Variants in CLSTN2 observed in about 807,000 individuals in gnomAD.
The protein encoded by CLSTN2 is calsyntenin-2.
A neutral mutation model predicts 101.2 loss-of-function variants in CLSTN2; 48 were observed. The ratio of observed to expected loss-of-function variants is 0.47; its 90% CI spans 0.38 to 0.60. CLSTN2 has a LOEUF of 0.60. Ranked by LOEUF, CLSTN2 falls within the 20% of genes least tolerant of loss-of-function variation. CLSTN2 has a pLI of 0.00. For synonymous variants in CLSTN2, 481 were observed against 463.6 expected (o/e 1.04, Z -0.48); for missense variants, 1,160 against 1,238.2 (o/e 0.94, Z 0.95).
chr3:140,078,336 G>A (rs2008528171), intron 1 of CLSTN2, among the ~76,000 whole-genome samples: 6 of 152,220 alleles, frequency 3.9e-5, no homozygotes, highest in Admixed American at 3.9e-4. Context: ...GCTGGTCAAT[G>A]CACGGTATCT....
intron 8 of CLSTN2, among the ~76,000 whole-genome samples, chr3:140,513,767 G>T (rs12639333): frequency 0.11 from 17,084 of 151,576 alleles, 1,098 homozygotes; most frequent in Non-Finnish European, 0.15. Context: ...TCTGGGCCTG[G>T]GCTTTTTTTG....
At chr3:139,952,882 C>T (rs527490786) in intron 1 of CLSTN2, among the ~76,000 whole-genome samples, 18 of 152,254 alleles carry the variant, frequency 1.2e-4, no homozygotes, top group Admixed American at 3.9e-4. Flanking sequence ...ACTGGGCTTA[C>T]GTTTGTTTTT....
chr3:140,065,715 C>A (rs1482037621), intron 1 of CLSTN2, among the ~76,000 whole-genome samples: 1 of 152,150 alleles, frequency 6.6e-6, no homozygotes, highest in Non-Finnish European at 1.5e-5. Flanking sequence ...TTTAAAGGCC[C>A]ACTTCCCTGG....
chr3:140,552,774 G>A (rs1187749181), intron 10 of CLSTN2, among the ~76,000 whole-genome samples: 2 of 152,166 alleles, frequency 1.3e-5, no homozygotes, highest in African/African-American at 4.8e-5. Flanking sequence ...AAAGTCAGTA[G>A]CCCCTGCCCT....
chr3:140,534,740 G>A (rs1166201435), intron 9 of CLSTN2, among the ~76,000 whole-genome samples: 1 of 152,144 alleles, frequency 6.6e-6, no homozygotes, highest in Non-Finnish European at 1.5e-5. Context: ...CAAGTCAGAA[G>A]GCCACATCTA....
chr3:140,363,099 A>G (rs2107951304), intron 2 of CLSTN2, among the ~76,000 whole-genome samples: 1 of 152,374 alleles, frequency 6.6e-6, no homozygotes, highest in Middle Eastern at 3.4e-3. Context: ...TGTAGTGAGT[A>G]TATAAACAAT....
intron 8 of CLSTN2, among the ~76,000 whole-genome samples, chr3:140,473,607 G>T (rs928319822): frequency 2.6e-5 from 4 of 152,118 alleles, no homozygotes; most frequent in African/African-American, 9.7e-5. Flanking sequence ...AACTGGATAG[G>T]GAAGGAAACG....
At chr3:139,976,226 A>G (rs1014053528) in intron 1 of CLSTN2, among the ~76,000 whole-genome samples, 19 of 152,312 alleles carry the variant, frequency 1.2e-4, no homozygotes, top group African/African-American at 4.3e-4. Context: ...CTGGTGGGAT[A>G]GTGCCCTTAT....
At chr3:140,485,688 T>A (rs1934224027) in intron 8 of CLSTN2, among the ~76,000 whole-genome samples, 1 of 152,106 alleles carries the variant, frequency 6.6e-6, no homozygotes, top group Non-Finnish European at 1.5e-5. Context: ...ACTGCTGCCT[T>A]GCAGTTTGAT....
At chr3:140,516,128 G>GT (rs1934912638) in intron 8 of CLSTN2, among the ~76,000 whole-genome samples, 1 of 152,044 alleles carries the variant, frequency 6.6e-6, no homozygotes, top group South Asian at 2.1e-4. Context: ...TTTAAAGTTT[G>GT]TTTTTTCTGA....
chr3:140,364,566 C>T (rs2087764184), intron 2 of CLSTN2, among the ~76,000 whole-genome samples: 1 of 152,002 alleles, frequency 6.6e-6, no homozygotes, highest in East Asian at 1.9e-4. Context: ...GCGCCAGGAG[C>T]AGGAGCTAAG....
intron 2 of CLSTN2, among the ~76,000 whole-genome samples, chr3:140,284,063 G>C (rs919030058): frequency 9.2e-5 from 14 of 152,096 alleles, no homozygotes; most frequent in African/African-American, 3.1e-4. Flanking sequence ...AAGAATTGAT[G>C]CAATTATTGA....
chr3:140,305,209 A>G (rs971087413), intron 2 of CLSTN2, among the ~76,000 whole-genome samples: 5 of 152,118 alleles, frequency 3.3e-5, no homozygotes, highest in Non-Finnish European at 1.5e-5. Context: ...CACACAAGAC[A>G]GGGCCAGAAA....
At chr3:140,281,259 A>G (rs546411338) in intron 2 of CLSTN2, among the ~76,000 whole-genome samples, 1 of 152,170 alleles carries the variant, frequency 6.6e-6, no homozygotes, top group East Asian at 1.9e-4. Flanking sequence ...ATTTTAACAG[A>G]TATTTACTTA....
intron 1 of CLSTN2, among the ~76,000 whole-genome samples, chr3:140,001,234 C>G (rs781301650): frequency 7.9e-5 from 12 of 152,068 alleles, no homozygotes; most frequent in Non-Finnish European, 1.8e-4. Context: ...TTGGCTGTTT[C>G]CCACAGAGCT....
rs2008790771 is a variant in CLSTN2 at position 140,092,212 on chromosome 3, C to T, written c.110-83739C>T. Among the ~76,000 whole-genome samples the T allele has an allele frequency of 2.0e-5, 3 of 152,198 alleles. No homozygotes were observed. In the South Asian group the frequency reaches 6.2e-4, roughly 32 times the overall value. ...GTTTAGGAATTGGGATGCTGTCTTACTGTTCAATTCACTGAAGAATCCTCC... is the reference window on the plus strand; with the variant it reads ...GTTTAGGAATTGGGATGCTGTCTTATTGTTCAATTCACTGAAGAATCCTCC... On this transcript the variant is annotated intron_variant, in intron 1 of 16. Transcript: ENST00000458420.
chr3:140,556,334 G>A (rs1331802963), intron 10 of CLSTN2, among the ~76,000 whole-genome samples, 179 bp from the exon 11 acceptor site: 3 of 152,302 alleles, frequency 2.0e-5, no homozygotes, highest in Non-Finnish European at 4.4e-5. Context: ...CCACCAGAGA[G>A]TAGGAGGAAA....
Position 140,567,721 on chromosome 3 carries a change from C to G in CLSTN2, c.*1468C>G, listed in dbSNP as rs573594757. 1.3e-4 allele frequency: 20 copies of G among 152,364 alleles called. No homozygotes were observed. The highest frequency in any genetic ancestry group is 4.3e-4 in the African/African-American group (18 of 41,578). The allele number at this position is 152,364 out of a possible 1,614,324, so 9.4% of individuals were successfully genotyped here. On this transcript the variant is annotated 3_prime_UTR_variant, in exon 17 of 17. Coordinates refer to ENST00000458420, the MANE Select transcript of CLSTN2 (RefSeq NM_022131.3). ...TGCTCTGTCCCCATCCTTCACTCCT[C>G]CTCAAGCTCACACCAATTGGTTTGG...
chr3:140,078,514 TG>T (rs1339265064), intron 1 of CLSTN2, among the ~76,000 whole-genome samples: 1 of 152,264 alleles, frequency 6.6e-6, no homozygotes, highest in East Asian at 1.9e-4. Context: ...CTCCATGTAA[TG>T]AGTGTATGTC....
Sources: allele counts gnomAD v4.1 joint callset (sites outside exome capture counted in the v4.1 genomes callset), GRCh38; gene constraint gnomAD v4.1.1; transcripts MANE v1.5; gene names NCBI Gene and HGNC (gene_info 2026-07-23, HGNC 2026-07-21).